The following MYO3B variants were observed in gnomAD, a reference collection of about 807,000 sequenced individuals.
MYO3B encodes myosin-IIIb.
In MYO3B, 156 loss-of-function variants were observed where a neutral mutation model predicts 174.6. The observed-to-expected ratio is 0.89, with a 90% CI of 0.78 to 1.02. The LOEUF (loss-of-function observed/expected upper bound fraction) is 1.02, where lower values mean the gene tolerates loss of function less well. Among genes scored for constraint, MYO3B ranks in the 50% least tolerant of loss-of-function variants. MYO3B has a pLI of 0.00. For missense variants in MYO3B, 1,632 were observed against 1,639.4 expected (o/e 1.00, Z 0.08); for synonymous variants, 563 against 569.1 (o/e 0.99, Z 0.15).
At chr2:170,342,755 T>G (rs1233570785) in intron 8 of MYO3B, among the ~76,000 whole-genome samples, 1 of 152,108 alleles carries the variant, frequency 6.6e-6, no homozygotes, top group Admixed American at 6.6e-5. Context: ...TTATAGAAAT[T>G]GAGGTAAAAA....
At chr2:170,401,731 C>T (rs761307780) in intron 18 of MYO3B, 40 bp downstream of exon 18, 12 of 1,571,612 alleles carry the variant, frequency 7.6e-6, no homozygotes, top group Non-Finnish European at 9.6e-6. Context: ...GGAGAGCTGT[C>T]ATTGACCCCG....
intron 8 of MYO3B, among the ~76,000 whole-genome samples, chr2:170,354,766 G>C (rs1449309881): frequency 6.6e-6 from 1 of 152,156 alleles, no homozygotes; most frequent in Non-Finnish European, 1.5e-5. Flanking sequence ...TAGGGTCTCT[G>C]ATGAGGCTTT....
intron 23 of MYO3B, among the ~76,000 whole-genome samples, chr2:170,446,440 A>G (rs965570135): frequency 2.0e-5 from 3 of 152,118 alleles, no homozygotes; most frequent in Non-Finnish European, 4.4e-5. Context: ...ACTATCTACC[A>G]TGGCTCAGAC....
chr2:170,273,844 G>A (rs1423356129), intron 7 of MYO3B, among the ~76,000 whole-genome samples: 3 of 152,220 alleles, frequency 2.0e-5, no homozygotes, highest in Non-Finnish European at 2.9e-5. Context: ...CAAAAGGACC[G>A]CAATTCCCTA....
At position 170,402,859 on chromosome 2, in the gene MYO3B, G is replaced by A. The variant is rs267599006; in HGVS notation, c.2141G>A (p.Gly714Asp). 6.2e-6 allele frequency: 10 copies of A among 1,610,152 alleles called. No homozygotes were observed. The highest frequency in any genetic ancestry group is 8.5e-6 in the Non-Finnish European group (10 of 1,177,202). The change falls in exon 19 of 35, where the codon GGT becomes GAT. Residue 714 changes from glycine (G) to aspartate (D), a missense_variant. Transcript: ENST00000408978. Reference sequence around the variant, plus strand: ...TCTCTCTCATGCAGTAGTGCAGGAGGTGGAATGAATGTGGGGATCTTGGAT... The same window carrying A: ...TCTCTCTCATGCAGTAGTGCAGGAGATGGAATGAATGTGGGGATCTTGGAT... ...QPDENICSAG[G>D]GMNVGILDIF... is the part of the protein sequence containing the mutation.
At chr2:170,585,206 A>G (rs1693418744) in intron 32 of MYO3B, among the ~76,000 whole-genome samples, 8 of 152,214 alleles carry the variant, frequency 5.3e-5, no homozygotes, top group Admixed American at 4.6e-4. Context: ...AGGAAAGCTG[A>G]TAAATAAGTC....
At chr2:170,641,992 T>C (rs566983748) in intron 32 of MYO3B, among the ~76,000 whole-genome samples, 1 of 152,222 alleles carries the variant, frequency 6.6e-6, no homozygotes, top group Admixed American at 6.5e-5. Context: ...TAAGGAACTT[T>C]GTTTTTAGAG....
At chr2:170,352,085 T>G (rs7592800) in intron 8 of MYO3B, among the ~76,000 whole-genome samples, 2 of 152,198 alleles carry the variant, frequency 1.3e-5, no homozygotes, top group Admixed American at 6.5e-5. Flanking sequence ...CCTGAGTAGC[T>G]GGGGTTGCAG....
chr2:170,434,755 TAACA>T (rs1441039577), intron 22 of MYO3B, among the ~76,000 whole-genome samples: 1 of 152,238 alleles, frequency 6.6e-6, no homozygotes, highest in East Asian at 1.9e-4. Flanking sequence ...AACTCATATC[TAACA>T]AACAGATCCT....
chr2:170,305,487 C>T (rs1455383074), intron 7 of MYO3B, among the ~76,000 whole-genome samples: 1 of 152,004 alleles, frequency 6.6e-6, no homozygotes. Context: ...TTTCTTGGTC[C>T]AACCCTTGTA....
At chr2:170,645,772 G>A (rs1698317106) in intron 32 of MYO3B, among the ~76,000 whole-genome samples, 1 of 152,106 alleles carries the variant, frequency 6.6e-6, no homozygotes, top group African/African-American at 2.4e-5. Context: ...ACTTCTTAAT[G>A]CATGTACAAG....
At chr2:170,627,846 C>T (rs527536811) in intron 32 of MYO3B, among the ~76,000 whole-genome samples, 187 of 152,264 alleles carry the variant, frequency 1.2e-3, no homozygotes, top group African/African-American at 4.1e-3. Context: ...GTATCACCAG[C>T]GGAGGGTGTA....
At chr2:170,547,344 AG>A (rs1690583538) in intron 32 of MYO3B, among the ~76,000 whole-genome samples, 1 of 144,010 alleles carries the variant, frequency 6.9e-6, no homozygotes, top group Admixed American at 7.3e-5. Context: ...AAAAAAAAAA[AG>A]AAGTGTCCCT....
chr2:170,512,908 A>C (rs1330680260), intron 28 of MYO3B, among the ~76,000 whole-genome samples: 1 of 152,180 alleles, frequency 6.6e-6, no homozygotes, highest in Non-Finnish European at 1.5e-5. Flanking sequence ...CCCTTGTCTC[A>C]ATTTCCTCAG....
rs745764853 is a variant in MYO3B, at chr2:170,200,260, G to T, written c.297G>T (p.Gly99=). The T allele has an allele frequency of 6.2e-7, 1 of 1,612,606 alleles. No individual in the cohort carries two copies. The change falls in exon 3 of 35, where the codon GGG becomes GGT. Residue 99 remains glycine, a synonymous_variant. Coordinates refer to ENST00000408978, the MANE Select transcript of MYO3B (RefSeq NM_138995.5). ...TTTACAAAGCGGATCACTGTGTAGGGGGACAGCTGTGGCTGGTCCTGGAGG... is the reference window on the plus strand; with the variant it reads ...TTTACAAAGCGGATCACTGTGTAGGTGGACAGCTGTGGCTGGTCCTGGAGG... The part of the protein sequence containing the change: ...GMFYKADHCV[G]GQLWLVLELC...
intron 32 of MYO3B, among the ~76,000 whole-genome samples, chr2:170,561,785 C>A (rs1396573988): frequency 1.3e-5 from 2 of 151,804 alleles, no homozygotes; most frequent in African/African-American, 4.8e-5. Context: ...ATCAGATGAC[C>A]CTCAAAAGTT....
chr2:170,259,602 C>G (rs2093330099), intron 7 of MYO3B, among the ~76,000 whole-genome samples: 1 of 152,094 alleles, frequency 6.6e-6, no homozygotes, highest in Non-Finnish European at 1.5e-5. Flanking sequence ...AAAAATCCAA[C>G]TGGAAGCCTA....
chr2:170,604,349 AAC>A lies in MYO3B; in HGVS notation c.3734-47277_3734-47276del, dbSNP rs1694689940. ...ATAGTTCACACAAGGTAGTGATGGC[AAC>A]AGTTTCCTCTGGAGCAAGGGCTAGG... On this transcript the variant is annotated intron_variant, in intron 32 of 34. Coordinates refer to ENST00000408978, the MANE Select transcript of MYO3B (RefSeq NM_138995.5). Among the ~76,000 whole-genome samples, 6 of 152,308 alleles carry A rather than the reference AAC, an allele frequency of 3.9e-5. No individual in the cohort carries two copies. The South Asian group carries it at 1.2e-3, about 32-fold the overall frequency.
chr2:170,292,068 T>A (rs991895679), intron 7 of MYO3B, among the ~76,000 whole-genome samples: 43 of 152,112 alleles, frequency 2.8e-4, no homozygotes, highest in Admixed American at 6.6e-4. Flanking sequence ...AATTCTTAGA[T>A]TTGGTCTTTT....
Sources: gnomAD v4.1 joint callset for allele counts (sites outside exome capture counted in the v4.1 genomes callset) on GRCh38, gnomAD v4.1.1 for gene constraint, MANE v1.5 for transcripts, NCBI Gene and HGNC (gene_info 2026-07-23, HGNC 2026-07-21) for gene names.